The following SRGAP3 variants were observed in gnomAD, a reference collection of about 807,000 sequenced individuals.
SRGAP3 encodes the protein SLIT-ROBO Rho GTPase-activating protein 3.
A neutral mutation model predicts 121.1 loss-of-function variants in SRGAP3; 39 were observed. That is an observed-to-expected ratio of 0.32 (90% CI 0.25 to 0.42). The LOEUF is 0.42. SRGAP3 is among the 10% of genes least tolerant of loss of function. The pLI, the probability that SRGAP3 is intolerant of heterozygous loss-of-function variation, is 1.00. For missense variants in SRGAP3, 1,213 were observed against 1,470.6 expected, an observed-to-expected ratio of 0.82 and a Z score of 2.86; for synonymous variants, 601 against 570.0, an observed-to-expected ratio of 1.05 and a Z score of -0.77.
At chr3:9,256,852 G>A (rs1385340781) in intron 3 of SRGAP3, 2 of 397,622 alleles carry the variant, frequency 5.0e-6, no homozygotes, top group Non-Finnish European at 8.9e-6. Context: ...CTGGCCTGGT[G>A]GACACATACC....
intron 1 of SRGAP3, chr3:9,194,375 G>A (rs566755941): frequency 8.6e-5 from 13 of 152,006 alleles, no homozygotes; most frequent in South Asian, 2.1e-4. Flanking sequence ...ATGTCATAAC[G>A]TTGATAAACA....
intron 1 of SRGAP3, chr3:9,194,059 T>C (rs1285466093): frequency 6.6e-6 from 1 of 152,256 alleles, no homozygotes; most frequent in African/African-American, 2.4e-5. Context: ...TACAAAGGCC[T>C]GAGTTGCAAA....
At chr3:9,289,314 A>T (rs1315708229) in intron 3 of SRGAP3, among the ~76,000 whole-genome samples, 1 of 152,212 alleles carries the variant, frequency 6.6e-6, no homozygotes, top group Non-Finnish European at 1.5e-5. Flanking sequence ...GTCTCCATGG[A>T]TCTGATTCTG....
Position 8,983,881 on chromosome 3 carries a change from C to T in SRGAP3, c.*1638G>A, listed in dbSNP as rs1432555556. 4.4e-6 allele frequency: 1 copy of T among 229,462 alleles called. No homozygotes were observed. Among genetic ancestry groups the T allele is most frequent in the Non-Finnish European group, 8.6e-6 (1 of 115,800 alleles). 14.2% of individuals were successfully genotyped at this position (229,462 alleles called of 1,614,324 possible). A position where few individuals can be genotyped will look rare whatever the true frequency, so the allele number is the denominator to read the frequency against. On this transcript the variant is annotated 3_prime_UTR_variant, in exon 22 of 22. Transcript: ENST00000383836. ...GGGACTCAGACTCTGGGCCTTTTGA[C>T]TCCAAACTTCAGTGGCCTCGAGAGA...
At chr3:9,099,769 T>C (rs421392) in intron 3 of SRGAP3, among the ~76,000 whole-genome samples, 54,494 of 152,174 alleles carry the variant, frequency 0.36, 10,731 homozygotes, top group Non-Finnish European at 0.46. Context: ...ACTGTGGGGC[T>C]GGGGCCCAGC....
In SRGAP3 at chr3:9,109,978, T is replaced by G. The variant is rs932612374; in HGVS notation, c.261-5136A>C. Among the ~76,000 whole-genome samples the G allele has an allele frequency of 6.6e-6, 1 of 152,052 alleles. No homozygotes were observed. The highest frequency in any genetic ancestry group is 1.5e-5 in the Non-Finnish European group (1 of 68,012). On this transcript the variant is annotated intron_variant, in intron 2 of 21. Transcript: ENST00000383836. The surrounding 1 kb of genome is among the most constrained non-coding windows in gnomAD (Gnocchi z 4.4). ...CCACTTGGGAAAGGGCCTTTAACTC[T>G]CATTAGAGTTCAAGCTCCGTCCTGA...
Position 8,985,932 on chromosome 3 carries a change from C to A in SRGAP3, c.2887G>T (p.Asp963Tyr). Residue 963 changes from aspartate to tyrosine, a missense_variant and splice_region_variant, in exon 22 of 22, where the codon GAC becomes TAC. Around this residue, in one of 2 missense-constraint regions of SRGAP3, gnomAD observed 420 missense variants for 437.7 expected, o/e 0.96. Transcript: ENST00000383836. This position sits in a 1 kb window ranked among gnomAD's most constrained non-coding sequence, Gnocchi z 5.1. The stretch of plus-strand genomic sequence containing the variant: ...GCCGTGCTCATGGTCTTCTCGATGT[C>A]CTGGGGACAGAGGGAGCTGGGGTCA... ...KSLEAEALAE[D>Y]IEKTMSTALH... 6.3e-7 allele frequency: 1 copy of A among 1,599,662 alleles called. No individual in the cohort carries two copies. The highest frequency in any genetic ancestry group is 8.5e-7 in the Non-Finnish European group (1 of 1,179,920).
intron 18 of SRGAP3, among the ~76,000 whole-genome samples, chr3:8,997,076 G>A (rs554446192): frequency 2.2e-4 from 33 of 152,306 alleles, no homozygotes; most frequent in Non-Finnish European, 4.0e-4. Flanking sequence ...GTTTGCAGAC[G>A]TCGTTACATA....
intron 1 of SRGAP3, among the ~76,000 whole-genome samples, chr3:9,134,646 C>T (rs1560231453): frequency 1.3e-5 from 2 of 152,004 alleles, no homozygotes; most frequent in African/African-American, 4.8e-5. Flanking sequence ...TCACCCAATG[C>T]CCAGGTCAGG....
chr3:9,236,977 C>A (rs1030839843), intron 1 of SRGAP3, among the ~76,000 whole-genome samples: 1 of 152,200 alleles, frequency 6.6e-6, no homozygotes, highest in East Asian at 1.9e-4. Flanking sequence ...AGATTCCCTG[C>A]AGTATTCCTG....
chr3:9,137,139 T>C (rs1046857567), intron 1 of SRGAP3, among the ~76,000 whole-genome samples: 4 of 152,172 alleles, frequency 2.6e-5, no homozygotes, highest in African/African-American at 9.7e-5. Context: ...CCTAATTTCA[T>C]GTAAATATTA....
At chr3:9,122,229 C>T (rs1949032889) in intron 2 of SRGAP3, among the ~76,000 whole-genome samples, 1 of 152,136 alleles carries the variant, frequency 6.6e-6, no homozygotes, top group South Asian at 2.1e-4. Flanking sequence ...AGCAGTGGGA[C>T]TATGAATGAT....
chr3:9,031,702 C>T (rs906664), intron 12 of SRGAP3, among the ~76,000 whole-genome samples: 1 of 152,042 alleles, frequency 6.6e-6, no homozygotes, highest in Non-Finnish European at 1.5e-5. Flanking sequence ...CACAAGTAGA[C>T]AGCTGGAGCA....
intron 3 of SRGAP3, among the ~76,000 whole-genome samples, chr3:9,277,556 C>A (rs746804996): frequency 7.1e-6 from 1 of 140,260 alleles, no homozygotes; most frequent in African/African-American, 2.7e-5. Context: ...TGCAGTGAAC[C>A]GAGATCACAC....
At chr3:9,344,487 C>G (rs1353267922) in intron 1 of SRGAP3, among the ~76,000 whole-genome samples, 1 of 151,888 alleles carries the variant, frequency 6.6e-6, no homozygotes, top group African/African-American at 2.4e-5. Flanking sequence ...CAAAAATTAG[C>G]CAGGTGTGAC....
chr3:9,301,902 C>A (rs1473792864), intron 3 of SRGAP3, among the ~76,000 whole-genome samples: 1 of 152,188 alleles, frequency 6.6e-6, no homozygotes, highest in Non-Finnish European at 1.5e-5. Flanking sequence ...GGCATAACTG[C>A]CAATAAACGG....
intron 3 of SRGAP3, among the ~76,000 whole-genome samples, chr3:9,296,460 T>C (rs1298954305): frequency 4.6e-5 from 7 of 152,260 alleles, no homozygotes; most frequent in East Asian, 1.9e-4. Flanking sequence ...GGAAAACAGA[T>C]GGAGGAATGG....
intron 1 of SRGAP3, among the ~76,000 whole-genome samples, chr3:9,226,726 G>T (rs1222776545): frequency 6.6e-6 from 1 of 152,082 alleles, no homozygotes; most frequent in Non-Finnish European, 1.5e-5. Context: ...TTAAATTTCA[G>T]CCCACCTACA....
chr3:9,003,565 G>A (rs1942890984), intron 18 of SRGAP3, among the ~76,000 whole-genome samples: 2 of 152,100 alleles, frequency 1.3e-5, no homozygotes, highest in Non-Finnish European at 2.9e-5. Flanking sequence ...ATGCACAAGT[G>A]GAATTTATCC....
Sources: allele counts gnomAD v4.1 joint callset (sites outside exome capture counted in the v4.1 genomes callset), GRCh38; gene constraint gnomAD v4.1.1; regional missense constraint gnomAD v4.1.1; non-coding constraint Gnocchi (gnomAD v3.1); transcripts MANE v1.5; gene names NCBI Gene and HGNC (gene_info 2026-07-23, HGNC 2026-07-21).